FBXO4: variants seen among roughly 807,000 people sequenced by gnomAD.
The protein encoded by FBXO4 is F-box protein 4.
A neutral mutation model predicts 43.7 loss-of-function variants in FBXO4; 36 were observed. That is an observed-to-expected ratio of 0.82 (90% CI 0.63 to 1.09). The LOEUF (loss-of-function observed/expected upper bound fraction) is 1.09, where lower values mean the gene tolerates loss of function less well. Among genes scored for constraint, FBXO4 ranks in the 50% least tolerant of loss-of-function variants. FBXO4 has a pLI of 0.00. For missense variants in FBXO4, 435 were observed against 474.1 expected (o/e 0.92, Z 0.77); for synonymous variants, 180 against 165.6 (o/e 1.09, Z -0.67).
At chr5:42,004,795 G>T in the FBXO4 span, among the ~76,000 whole-genome samples, 1 of 152,122 alleles carries the variant, frequency 6.6e-6, no homozygotes, top group African/African-American at 2.4e-5. Flanking sequence ...AGAATGGGCG[G>T]TGGTGAGGTA....
chr5:42,016,714 G>A, the FBXO4 span, among the ~76,000 whole-genome samples: 20 of 152,090 alleles, frequency 1.3e-4, no homozygotes, highest in African/African-American at 4.6e-4. Context: ...AACAAAGAAT[G>A]TAGTGATCTG....
the FBXO4 span, among the ~76,000 whole-genome samples, chr5:42,016,516 C>T: frequency 2.0e-5 from 3 of 151,936 alleles, no homozygotes; most frequent in Admixed American, 2.0e-4. Context: ...CATAATTCAA[C>T]CACAAAGCAA....
At chr5:41,955,750 G>A in the FBXO4 span, among the ~76,000 whole-genome samples, 26 of 152,280 alleles carry the variant, frequency 1.7e-4, no homozygotes, top group South Asian at 6.2e-4. Context: ...ATCAGTGCAT[G>A]AGTAGGAGAA....
At chr5:41,989,445 C>G in the FBXO4 span, among the ~76,000 whole-genome samples, 1 of 151,988 alleles carries the variant, frequency 6.6e-6, no homozygotes, top group African/African-American at 2.4e-5. Flanking sequence ...ACGATCTTAG[C>G]AAGTTACTGT....
At chr5:41,999,497 ATATATATGTG>A in the FBXO4 span, among the ~76,000 whole-genome samples, 193 of 97,800 alleles carry the variant, frequency 2.0e-3, 2 homozygotes, top group African/African-American at 9.9e-3. Context: ...ATATATACAT[ATATATATGTG>A]TATATATATA....
the FBXO4 span, among the ~76,000 whole-genome samples, chr5:41,959,677 T>C: frequency 6.6e-6 from 1 of 152,184 alleles, no homozygotes; most frequent in Non-Finnish European, 1.5e-5. Context: ...ACAATAAATA[T>C]GTGGATTTAT....
chr5:41,935,621 G>A (rs1388682766), intron 5 of FBXO4, among the ~76,000 whole-genome samples: 1 of 152,198 alleles, frequency 6.6e-6, no homozygotes, highest in African/African-American at 2.4e-5. Flanking sequence ...TACCAATACA[G>A]GGCAGAATTC....
chr5:41,973,431 C>T, the FBXO4 span, among the ~76,000 whole-genome samples: 5 of 152,136 alleles, frequency 3.3e-5, no homozygotes, highest in Non-Finnish European at 7.3e-5. Context: ...AATCCCAATA[C>T]TTTGGAATGG....
chr5:41,974,292 C>T, the FBXO4 span, among the ~76,000 whole-genome samples: 34 of 152,186 alleles, frequency 2.2e-4, no homozygotes, highest in Admixed American at 3.9e-4. Flanking sequence ...GGCCTTTTTC[C>T]TTCAAGTATT....
the FBXO4 span, among the ~76,000 whole-genome samples, chr5:42,020,982 G>GTA: frequency 6.6e-6 from 1 of 152,102 alleles, no homozygotes; most frequent in Admixed American, 6.6e-5. Context: ...TGCAACTGGA[G>GTA]TATAGGGTGC....
At chr5:41,938,366 A>G (rs908640595) in intron 5 of FBXO4, among the ~76,000 whole-genome samples, 1 of 152,198 alleles carries the variant, frequency 6.6e-6, no homozygotes, top group Non-Finnish European at 1.5e-5. Context: ...TGAAGTTGTA[A>G]CTAAGCCAGT....
At chr5:41,981,521 C>A in the FBXO4 span, among the ~76,000 whole-genome samples, 3 of 151,236 alleles carry the variant, frequency 2.0e-5, no homozygotes, top group African/African-American at 7.3e-5. Flanking sequence ...CTTTTGCATA[C>A]TTTGTATTAT....
the FBXO4 span, among the ~76,000 whole-genome samples, chr5:41,987,095 C>T: frequency 1.3e-5 from 2 of 151,970 alleles, no homozygotes; most frequent in Non-Finnish European, 2.9e-5. Context: ...TATGAATATG[C>T]TATTATCTAA....
At chr5:41,990,363 T>C in the FBXO4 span, among the ~76,000 whole-genome samples, 1 of 152,226 alleles carries the variant, frequency 6.6e-6, no homozygotes, top group Non-Finnish European at 1.5e-5. Flanking sequence ...AAAGTATTCA[T>C]AGTCATTGCT....
At chr5:41,992,936 C>T in the FBXO4 span, among the ~76,000 whole-genome samples, 1 of 152,100 alleles carries the variant, frequency 6.6e-6, no homozygotes, top group Admixed American at 6.6e-5. Flanking sequence ...ATGCATTCTT[C>T]AACTGTAAGT....
chr5:41,945,104 G>C (rs1752057909), downstream of FBXO4, among the ~76,000 whole-genome samples: 2 of 152,106 alleles, frequency 1.3e-5, no homozygotes, highest in Admixed American at 1.3e-4. Context: ...CAAAGCTACA[G>C]CTAAAAAGAT....
At chr5:41,965,970 A>C in the FBXO4 span, among the ~76,000 whole-genome samples, 1 of 152,226 alleles carries the variant, frequency 6.6e-6, no homozygotes, top group Non-Finnish European at 1.5e-5. Flanking sequence ...TGCAGCCATT[A>C]AAAATGATGA....
intron 5 of FBXO4, among the ~76,000 whole-genome samples, chr5:41,936,698 C>T (rs974347785): frequency 2.0e-5 from 3 of 151,780 alleles, no homozygotes; most frequent in South Asian, 2.1e-4. Flanking sequence ...CTTCAGTGGG[C>T]ATATTAGCAA....
chr5:41,939,876 G>A (rs1751960151), intron 6 of FBXO4, among the ~76,000 whole-genome samples: 2 of 124,330 alleles, frequency 1.6e-5, no homozygotes, highest in South Asian at 2.4e-4. Flanking sequence ...TTGAGACAGG[G>A]TCTCACTTTG....
Sources: gnomAD v4.1 joint callset for allele counts (sites outside exome capture counted in the v4.1 genomes callset) on GRCh38, gnomAD v4.1.1 for gene constraint, MANE v1.5 for transcripts, NCBI Gene and HGNC (gene_info 2026-07-23, HGNC 2026-07-21) for gene names.